SORCS1: variants seen among roughly 807,000 people sequenced by gnomAD.
SORCS1 encodes sortilin related VPS10 domain containing receptor 1, also known as VPS10 domain-containing receptor SorCS1.
In SORCS1, 60 loss-of-function variants were observed where a neutral mutation model predicts 146.1. The observed-to-expected ratio is 0.41, with a 90% confidence interval of 0.33 to 0.51. SORCS1 has a LOEUF of 0.51. Among genes scored for constraint, SORCS1 ranks in the 20% least tolerant of loss-of-function variants. The pLI, the probability that SORCS1 is intolerant of heterozygous loss-of-function variation, is 0.21. For synonymous variants in SORCS1, 637 were observed against 584.0 expected (o/e 1.09, Z -1.31); for missense variants, 1,352 against 1,487.6 (o/e 0.91, Z 1.50).
At chr10:107,048,154 T>C (rs1482372487) in intron 1 of SORCS1, among the ~76,000 whole-genome samples, 1 of 152,198 alleles carries the variant, frequency 6.6e-6, no homozygotes, top group Non-Finnish European at 1.5e-5. Context: ...AGTCTTTTGA[T>C]ACTGTTTTGT....
chr10:107,040,656 C>A (rs934364800), intron 1 of SORCS1, among the ~76,000 whole-genome samples: 1 of 152,178 alleles, frequency 6.6e-6, no homozygotes, highest in Non-Finnish European at 1.5e-5. Context: ...TGATTAATAT[C>A]AGCATGCATC....
rs765355110 is a variant in SORCS1, at chr10:106,944,874, CTTTTTTTTTT to C, written c.626+11629_626+11638del. On this transcript the variant is annotated intron_variant, in intron 2 of 25. Transcript: ENST00000263054. ...GTAGAAAGAAGCAAGAAAGAGCCTTCTTTTTTTTTTTTTTTTTTTTTTTTTTTTGGAGATG... is the reference window on the plus strand; with the variant it reads ...GTAGAAAGAAGCAAGAAAGAGCCTTCTTTTTTTTTTTTTTTTTTGGAGATG... Among the ~76,000 whole-genome samples the C allele has an allele frequency of 4.6e-4, 17 of 36,614 alleles. 2 individuals are homozygous for C. The highest frequency in any genetic ancestry group is 3.0e-3 in the South Asian group (2 of 674). 24.0% of individuals were successfully genotyped at this position (36,614 alleles called of 152,430 possible).
intron 3 of SORCS1, among the ~76,000 whole-genome samples, chr10:106,802,700 T>C (rs1189257904): frequency 4.6e-5 from 7 of 152,174 alleles, no homozygotes. Context: ...GGTTTCACCA[T>C]GTTGGCCAGG....
At chr10:106,919,327 C>T (rs1221028406) in intron 2 of SORCS1, among the ~76,000 whole-genome samples, 1 of 152,168 alleles carries the variant, frequency 6.6e-6, no homozygotes, top group Non-Finnish European at 1.5e-5. Context: ...GTTTTTCCCC[C>T]TTCAGATCCC....
intron 3 of SORCS1, among the ~76,000 whole-genome samples, chr10:106,778,534 A>T (rs1298647173): frequency 6.6e-6 from 1 of 152,230 alleles, no homozygotes; most frequent in Non-Finnish European, 1.5e-5. Context: ...AAGCAAGTAC[A>T]TTTAGATGGC....
At chr10:106,693,803 C>G (rs751398416) in intron 9 of SORCS1, among the ~76,000 whole-genome samples, 5 of 152,106 alleles carry the variant, frequency 3.3e-5, no homozygotes, top group Non-Finnish European at 7.4e-5. Flanking sequence ...TAAATCAATT[C>G]AAAGGAACTT....
In SORCS1 at chr10:106,844,582, TA is replaced by T. The variant is rs576568637; in HGVS notation, c.627-14910del. 3.7e-3 allele frequency among the ~76,000 whole-genome samples: 566 copies of T among 151,956 alleles called. 2 individuals carry two copies. Among genetic ancestry groups the T allele is most frequent in the Admixed American group, 4.5e-3 (68 of 15,268 alleles). On this transcript the variant is annotated intron_variant, in intron 2 of 25. Coordinates refer to ENST00000263054, the MANE Select transcript of SORCS1 (RefSeq NM_052918.5). Reference sequence around the variant, plus strand: ...TGAATTTCTTTTTTTTTTTAATTATTATTTTTTTTAAATTATACTTTAAGTT... The same window carrying T: ...TGAATTTCTTTTTTTTTTTAATTATTTTTTTTTTAAATTATACTTTAAGTT...
intron 17 of SORCS1, among the ~76,000 whole-genome samples, chr10:106,662,355 C>T (rs1050479449): frequency 7.2e-5 from 11 of 152,030 alleles, no homozygotes; most frequent in Admixed American, 5.2e-4. Flanking sequence ...TTCCTGCATG[C>T]TTCCAAATAA....
intron 1 of SORCS1, among the ~76,000 whole-genome samples, chr10:107,132,883 T>C (rs185029554): frequency 6.6e-6 from 1 of 152,298 alleles, no homozygotes; most frequent in East Asian, 1.9e-4. Flanking sequence ...AACGAGACCT[T>C]GTACAACTAA....
chr10:107,141,118 G>A (rs1344325517), intron 1 of SORCS1, among the ~76,000 whole-genome samples: 1 of 152,152 alleles, frequency 6.6e-6, no homozygotes. Flanking sequence ...TTCTTCGTAA[G>A]CGACCCATGT....
chr10:107,037,415 C>T (rs1235458646), intron 1 of SORCS1, among the ~76,000 whole-genome samples: 1 of 152,338 alleles, frequency 6.6e-6, no homozygotes, highest in African/African-American at 2.4e-5. Context: ...GTACTCATTT[C>T]AGAACTGCAT....
intron 1 of SORCS1, among the ~76,000 whole-genome samples, chr10:107,126,962 G>A (rs866019712): frequency 1.2e-4 from 18 of 152,234 alleles, no homozygotes; most frequent in Middle Eastern, 3.4e-3. Context: ...ACAACTTAGC[G>A]CCACAGGCAA....
chr10:107,078,012 ATTG>A (rs912882094), intron 1 of SORCS1, among the ~76,000 whole-genome samples: 4 of 152,152 alleles, frequency 2.6e-5, no homozygotes, highest in African/African-American at 9.7e-5. Context: ...GTTAAGTGGA[ATTG>A]TTGTTTCCTA....
chr10:106,876,180 C>T (rs112824281), intron 2 of SORCS1, among the ~76,000 whole-genome samples: 3 of 152,138 alleles, frequency 2.0e-5, no homozygotes, highest in African/African-American at 4.8e-5. Context: ...GTTAAAGATA[C>T]ACTGTAAGGA....
At chr10:106,823,574 C>T (rs910368183) in intron 3 of SORCS1, among the ~76,000 whole-genome samples, 5 of 152,126 alleles carry the variant, frequency 3.3e-5, no homozygotes, top group Non-Finnish European at 7.3e-5. Flanking sequence ...ATCCTATGCT[C>T]GGCACGTTAA....
At chr10:107,086,808 T>C (rs970527243) in intron 1 of SORCS1, among the ~76,000 whole-genome samples, 1 of 152,160 alleles carries the variant, frequency 6.6e-6, no homozygotes, top group African/African-American at 2.4e-5. Context: ...GGCAGGTGGA[T>C]CACCAGGTCA....
chr10:106,813,841 T>G (rs1308510290), intron 3 of SORCS1, among the ~76,000 whole-genome samples: 3 of 152,094 alleles, frequency 2.0e-5, no homozygotes, highest in Non-Finnish European at 4.4e-5. Flanking sequence ...CATCCCTACT[T>G]ACATTGGAGG....
chr10:106,989,670 G>GT lies in SORCS1; in HGVS notation c.559-33091dup, dbSNP rs1335278625. Among the ~76,000 whole-genome samples, 604 of 116,396 alleles carry GT rather than the reference G, an allele frequency of 5.2e-3. 36 individuals carry two copies. Among genetic ancestry groups the GT allele is most frequent in the African/African-American group, 0.016 (356 of 22,194 alleles). The allele number at this position is 116,396 out of a possible 152,430, so 76.4% of individuals were successfully genotyped here. Reference sequence around the variant, plus strand: ...CTCTTTATATACTCATATTTTTTCTGTTTTTTTTTGTTTTTTTTTTTTTTT... The same window carrying GT: ...CTCTTTATATACTCATATTTTTTCTGTTTTTTTTTTGTTTTTTTTTTTTTTT... On this transcript the variant is annotated intron_variant, in intron 1 of 25. Coordinates refer to ENST00000263054, the MANE Select transcript of SORCS1 (RefSeq NM_052918.5).
intron 10 of SORCS1, among the ~76,000 whole-genome samples, chr10:106,686,460 A>G (rs1178333551): frequency 1.3e-5 from 2 of 152,178 alleles, no homozygotes; most frequent in Non-Finnish European, 2.9e-5. Flanking sequence ...CAGAGTAGAG[A>G]CCAGCTTAAG....
Sources: gnomAD v4.1 joint callset for allele counts (sites outside exome capture counted in the v4.1 genomes callset) on GRCh38, gnomAD v4.1.1 for gene constraint, MANE v1.5 for transcripts, NCBI Gene and HGNC (gene_info 2026-07-23, HGNC 2026-07-21) for gene names.